Variants in CATSPER4 observed in about 807,000 individuals in gnomAD.
CATSPER4 encodes the protein cation channel sperm associated 4.
CATSPER4 carries 46 observed loss-of-function variants against 54.4 expected under a neutral mutation model. That is an observed-to-expected ratio of 0.84 (90% CI 0.67 to 1.08). The LOEUF (loss-of-function observed/expected upper bound fraction) is 1.08, where lower values mean the gene tolerates loss of function less well. CATSPER4 is among the 50% of genes least tolerant of loss of function. The pLI, the probability that CATSPER4 is intolerant of heterozygous loss-of-function variation, is 0.00. For synonymous variants in CATSPER4, 230 were observed against 231.9 expected (o/e 0.99, Z 0.08); for missense variants, 574 against 612.8 (o/e 0.94, Z 0.67).
intron 7 of CATSPER4, 44 bp from the exon 8 acceptor site, chr1:26,200,786 C>G (rs780535462): frequency 6.6e-7 from 1 of 1,506,252 alleles, no homozygotes; most frequent in Non-Finnish European, 9.2e-7. Flanking sequence ...CGGGGGCGTG[C>G]CTGCCTGAGC....
intron 3 of CATSPER4, among the ~76,000 whole-genome samples, chr1:26,195,901 C>T (rs34587428): frequency 0.18 from 26,615 of 152,076 alleles, 2,511 homozygotes; most frequent in Middle Eastern, 0.27. Flanking sequence ...CCATTAGGTC[C>T]CACCTCTAAC....
At chr1:26,191,489 C>T in intron 2 of CATSPER4, 59 bp downstream of exon 2, 2 of 1,579,590 alleles carry the variant, frequency 1.3e-6, no homozygotes, top group Non-Finnish European at 1.7e-6. Flanking sequence ...GGGGCAAGAA[C>T]TCTTCCGGCC....
At chr1:26,193,178 T>G (rs2088891842) in intron 2 of CATSPER4, among the ~76,000 whole-genome samples, 1 of 151,956 alleles carries the variant, frequency 6.6e-6, no homozygotes, top group Non-Finnish European at 1.5e-5. Flanking sequence ...TGAAGGAGTT[T>G]CGAGGTTGAG....
Position 26,191,297 on chromosome 1 carries a change from A to T in CATSPER4, c.224A>T (p.Asp75Val), listed in dbSNP as rs779774662. The T allele has an allele frequency of 1.2e-6, 2 of 1,613,958 alleles. No individual in the cohort carries two copies. The highest frequency in any genetic ancestry group is 3.3e-5 in the Admixed American group (2 of 60,002). ...CCTGCCCTCTTCCAGGACGCCTGGG[A>T]CATGCAGGAGTTCATCACTCACATG... is the stretch of plus-strand genomic sequence containing the variant. ...QEITNKADAW[D>V]MQEFITHMYI... is the part of the protein sequence containing the mutation. Residue 75 changes from aspartate (D) to valine (V), a missense_variant, in exon 2 of 10, where the codon GAC (aspartate) becomes GTC (valine). Asp to Val is a radical substitution (Grantham distance 152, BLOSUM62 -3). Coordinates refer to ENST00000456354, the MANE Select transcript of CATSPER4 (RefSeq NM_198137.2).
intron 2 of CATSPER4, among the ~76,000 whole-genome samples, chr1:26,192,505 G>T (rs1299995077): frequency 6.6e-6 from 1 of 151,852 alleles, no homozygotes; most frequent in Admixed American, 6.6e-5. Context: ...CAGGATAATC[G>T]CTTGAAGCAG....
At chr1:26,199,673 T>C (rs1258648810) in intron 6 of CATSPER4, among the ~76,000 whole-genome samples, 3 of 151,572 alleles carry the variant, frequency 2.0e-5, no homozygotes, top group Non-Finnish European at 4.4e-5. Context: ...CTTGCAGGGT[T>C]GGTTAGAGAA....
Position 26,190,778 on chromosome 1 carries a change from G to C in CATSPER4, c.151G>C (p.Glu51Gln). The C allele has an allele frequency of 6.2e-7, 1 of 1,613,336 alleles. No individual in the cohort carries two copies. Residue 51 changes from glutamate (E) to glutamine (Q), a missense_variant, in exon 1 of 10, where the codon GAG (glutamate) becomes CAG (glutamine). Coordinates refer to ENST00000456354, the MANE Select transcript of CATSPER4 (RefSeq NM_198137.2). ...CTCTCCCCTGCAGAGTACCATTCAC[G>C]AGTCCTACGGTCGGCCAGAGGAGCA... Reference protein sequence around the residue: ...RPSPLQSTIHESYGRPEEQVL... With the variant: ...RPSPLQSTIHQSYGRPEEQVL...
At position 26,198,554 on chromosome 1, in the gene CATSPER4, A is replaced by T. The variant is rs2088971286; in HGVS notation, c.812+135A>T. ...AGAAGTGGGGGTTCCCAGGTCTTTA[A>T]ACAGAGGAAAAGGAAATACCTGGAC... On this transcript the variant is annotated intron_variant, in intron 6 of 9. Coordinates refer to ENST00000456354, the MANE Select transcript of CATSPER4 (RefSeq NM_198137.2). 2.7e-6 allele frequency: 3 copies of T among 1,107,954 alleles called. No individual in the cohort carries two copies. In the East Asian group the frequency reaches 7.5e-5, roughly 28 times the overall value. 68.6% of individuals were successfully genotyped at this position (1,107,954 alleles called of 1,614,324 possible).
Position 26,201,051 on chromosome 1 carries a change from G to T in CATSPER4, c.1199+10G>T. The T allele has an allele frequency of 1.9e-6, 3 of 1,605,454 alleles. No homozygotes were observed. The highest frequency in any genetic ancestry group is 2.6e-6 in the Non-Finnish European group (3 of 1,172,060). ...GAGATGAACTCAACATGTAGGGGAG[G>T]GTACTGGGGCTGCCCCCAAGTCATG... On this transcript the variant is annotated intron_variant, in intron 8 of 9. Coordinates refer to ENST00000456354, the MANE Select transcript of CATSPER4 (RefSeq NM_198137.2).
intron 8 of CATSPER4, 92 bp downstream of exon 8, chr1:26,201,133 T>A: frequency 8.6e-7 from 1 of 1,161,558 alleles, no homozygotes; most frequent in Non-Finnish European, 1.3e-6. Context: ...TCACCATTTA[T>A]AAGGCAGAGC....
intron 6 of CATSPER4, among the ~76,000 whole-genome samples, chr1:26,198,823 A>G (rs1235338177): frequency 1.3e-5 from 2 of 152,198 alleles, no homozygotes; most frequent in Admixed American, 1.3e-4. Context: ...CCCACTGCCC[A>G]CATTCATTTT....
At position 26,200,066 on chromosome 1, in the gene CATSPER4, G is replaced by C; in HGVS notation, c.987+8G>C. ...CGAATAACCTTTAGTGAGGTGCGTG[G>C]GATGGGGAGGGCAGAAGGGAGGAAA... On this transcript the variant is annotated splice_region_variant and intron_variant, in intron 7 of 9. Transcript: ENST00000456354. The C allele has an allele frequency of 5.6e-6, 9 of 1,611,508 alleles. No homozygotes were observed. The highest frequency in any genetic ancestry group is 7.6e-6 in the Non-Finnish European group (9 of 1,178,638).
intron 2 of CATSPER4, among the ~76,000 whole-genome samples, chr1:26,193,083 G>T (rs1229060812): frequency 6.6e-6 from 1 of 151,876 alleles, no homozygotes; most frequent in Admixed American, 6.6e-5. Flanking sequence ...AAGAAAGAAA[G>T]GGAGGAGACA....
chr1:26,192,576 C>T (rs1239736402), intron 2 of CATSPER4, among the ~76,000 whole-genome samples: 2 of 122,848 alleles, frequency 1.6e-5, no homozygotes, highest in Non-Finnish European at 1.7e-5. Context: ...GGCGACAGAG[C>T]GAGACTCTAT....
In CATSPER4 at chr1:26,201,618, T is replaced by A. The variant is rs747895515; in HGVS notation, c.1365+99T>A. 2.6e-6 allele frequency: 3 copies of A among 1,166,364 alleles called. No individual in the cohort carries two copies. In the South Asian group the frequency reaches 3.7e-5, roughly 14 times the overall value. The allele number at this position is 1,166,364 out of a possible 1,614,324, so 72.3% of individuals were successfully genotyped here. ...GACCATTTGTCAAAGTTTCTGTCTA[T>A]TCCAAGATCTGGTCCCCCTCACCAC... On this transcript the variant is annotated intron_variant, in intron 9 of 9. Coordinates refer to ENST00000456354, the MANE Select transcript of CATSPER4 (RefSeq NM_198137.2).
chr1:26,197,238 A>T (rs1220257629), intron 3 of CATSPER4, among the ~76,000 whole-genome samples: 1 of 151,992 alleles, frequency 6.6e-6, no homozygotes, highest in East Asian at 1.9e-4. Context: ...CGTGAGAGCT[A>T]TTTCACCTCA....
chr1:26,197,622 C>A, intron 3 of CATSPER4, 64 bp from the exon 4 acceptor site: 2 of 1,129,932 alleles, frequency 1.8e-6, no homozygotes, highest in South Asian at 1.2e-5. Flanking sequence ...GTGGGGAGGG[C>A]AGACCTAGGA....
chr1:26,201,119 G>T (rs2089002583), intron 8 of CATSPER4, 78 bp downstream of exon 8: 1 of 1,247,052 alleles, frequency 8.0e-7, no homozygotes, highest in Non-Finnish European at 1.2e-6. Context: ...CTGGCCTCAC[G>T]CCCTCACCAT....
In CATSPER4 at chr1:26,201,450, G is replaced by A. The variant is rs114575246; in HGVS notation, c.1296G>A (p.Thr432=). 2,706 of 1,613,844 alleles carry A rather than the reference G, an allele frequency of 1.7e-3. 27 individuals are homozygous for A. The African/African-American group carries it at 0.022, about 13-fold the overall frequency. ...CGACGAGCGGGTCGTTGGAGACTAC[G>A]TCATCCAAGGACATCCGCCAGATGT... ...RSSTSGSLET[T]SSKDIRQMSQ... Residue 432 remains threonine (T), a synonymous_variant, in exon 9 of 10, where the codon ACG becomes ACA. Coordinates refer to ENST00000456354, the MANE Select transcript of CATSPER4 (RefSeq NM_198137.2).
Sources: allele counts gnomAD v4.1 joint callset (sites outside exome capture counted in the v4.1 genomes callset), GRCh38; gene constraint gnomAD v4.1.1; transcripts MANE v1.5; gene names NCBI Gene and HGNC (gene_info 2026-07-23, HGNC 2026-07-21).